Variants in GABRG3 observed in about 807,000 individuals in gnomAD.
The protein encoded by GABRG3 is gamma-aminobutyric acid receptor subunit gamma-3.
GABRG3 carries 25 observed loss-of-function variants against 48.8 expected under a neutral mutation model. That is an observed-to-expected ratio of 0.51 (90% CI 0.37 to 0.72). The LOEUF is 0.72. Among genes scored for constraint, GABRG3 ranks in the 30% least tolerant of loss-of-function variants. GABRG3 has a pLI of 0.00. For synonymous variants in GABRG3, 227 were observed against 217.6 expected (o/e 1.04, Z -0.38); for missense variants, 394 against 577.9 (o/e 0.68, Z 3.26).
intron 3 of GABRG3, among the ~76,000 whole-genome samples, chr15:27,255,893 G>T (rs190125680): frequency 6.0e-5 from 9 of 149,882 alleles, no homozygotes; most frequent in African/African-American, 2.0e-4. Flanking sequence ...CATGTGTTTA[G>T]TGACTTTTTA....
chr15:27,196,502 A>G (rs1242322410), intron 3 of GABRG3, among the ~76,000 whole-genome samples: 3 of 152,156 alleles, frequency 2.0e-5, no homozygotes, highest in Non-Finnish European at 4.4e-5. Flanking sequence ...CTCCCCAGGG[A>G]ATTAAGGGCT....
At chr15:27,370,276 A>G (rs1283779123) in intron 5 of GABRG3, among the ~76,000 whole-genome samples, 1 of 152,226 alleles carries the variant, frequency 6.6e-6, no homozygotes. Context: ...TTAGCAGAGT[A>G]GAAAGGGAAT....
intron 3 of GABRG3, among the ~76,000 whole-genome samples, chr15:27,269,406 C>T (rs1234479950): frequency 6.6e-6 from 1 of 151,880 alleles, no homozygotes; most frequent in Non-Finnish European, 1.5e-5. Context: ...TCTGTGTGTG[C>T]TGTTCTTTTC....
intron 3 of GABRG3, among the ~76,000 whole-genome samples, chr15:27,286,049 G>T (rs996415609): frequency 2.6e-5 from 4 of 152,220 alleles, no homozygotes; most frequent in Admixed American, 2.6e-4. Context: ...AGTAATCATG[G>T]GGATCGATCA....
chr15:27,163,235 C>T (rs1441503059), intron 3 of GABRG3, among the ~76,000 whole-genome samples: 1 of 152,152 alleles, frequency 6.6e-6, no homozygotes, highest in African/African-American at 2.4e-5. Context: ...CACCGTGGCT[C>T]ATGCCTGTAG....
At chr15:27,456,837 G>A (rs1290464563) in intron 5 of GABRG3, among the ~76,000 whole-genome samples, 1 of 152,166 alleles carries the variant, frequency 6.6e-6, no homozygotes, top group African/African-American at 2.4e-5. Flanking sequence ...GTGCCAGGAG[G>A]AGCCCAAAGT....
At chr15:27,370,918 G>A (rs1030042097) in intron 5 of GABRG3, among the ~76,000 whole-genome samples, 2 of 152,134 alleles carry the variant, frequency 1.3e-5, no homozygotes, top group Admixed American at 1.3e-4. Context: ...GATTTAAATT[G>A]TACTGCACAA....
intron 3 of GABRG3, among the ~76,000 whole-genome samples, chr15:27,277,689 A>G (rs2140477551): frequency 6.6e-6 from 1 of 152,330 alleles, no homozygotes; most frequent in South Asian, 2.1e-4. Flanking sequence ...GCTTCACAAC[A>G]GTACCTATAA....
intron 3 of GABRG3, among the ~76,000 whole-genome samples, chr15:27,263,811 C>T (rs112845748): frequency 2.0e-5 from 3 of 151,728 alleles, no homozygotes; most frequent in African/African-American, 7.3e-5. Flanking sequence ...CTGTAGTCCC[C>T]GCTGCTCCGG....
At chr15:27,242,188 G>A (rs1296585774) in intron 3 of GABRG3, among the ~76,000 whole-genome samples, 1 of 152,182 alleles carries the variant, frequency 6.6e-6, no homozygotes, top group Non-Finnish European at 1.5e-5. Flanking sequence ...TATACAGTAA[G>A]CAATCTTTTT....
intron 3 of GABRG3, among the ~76,000 whole-genome samples, chr15:27,108,771 T>C (rs1595529579): frequency 6.6e-6 from 1 of 152,310 alleles, no homozygotes; most frequent in East Asian, 1.9e-4. Flanking sequence ...TTTCTACACA[T>C]TTAAGATAAT....
At chr15:27,473,194 T>C (rs1889837436) in intron 5 of GABRG3, among the ~76,000 whole-genome samples, 1 of 152,194 alleles carries the variant, frequency 6.6e-6, no homozygotes, top group African/African-American at 2.4e-5. Context: ...ACTAACAGCA[T>C]CTGAATGTTA....
At chr15:27,415,504 A>G (rs760114178) in intron 5 of GABRG3, among the ~76,000 whole-genome samples, 2 of 152,094 alleles carry the variant, frequency 1.3e-5, no homozygotes, top group African/African-American at 4.8e-5. Flanking sequence ...CCTAAATAAG[A>G]ATGATATGAT....
Position 27,216,129 on chromosome 15 carries a change from A to G in GABRG3, c.271-110680A>G, listed in dbSNP as rs1324639297. Reference sequence around the variant, plus strand: ...TTGCAGCATGTTGCCCAGAGCAGAGAGTAGCCGTCCTGTAGATGGCAAGAA... The same window carrying G: ...TTGCAGCATGTTGCCCAGAGCAGAGGGTAGCCGTCCTGTAGATGGCAAGAA... On this transcript the variant is annotated intron_variant, in intron 3 of 9. Transcript: ENST00000615808. 2.6e-5 allele frequency among the ~76,000 whole-genome samples: 4 copies of G among 152,336 alleles called. No homozygotes were observed. The South Asian group carries it at 8.3e-4, about 32-fold the overall frequency.
intron 3 of GABRG3, among the ~76,000 whole-genome samples, chr15:27,229,829 A>G (rs1485548979): frequency 6.6e-6 from 1 of 152,092 alleles, no homozygotes; most frequent in African/African-American, 2.4e-5. Flanking sequence ...GTGGCCTTGT[A>G]GTATAGTTTC....
rs551971619 is a variant in GABRG3, at chr15:27,228,609, G to A, written c.271-98200G>A. ...AATGGGATTGCTGCGTTGAATGGTC[G>A]TTCTGCTTTTAGCTCTTTGAGGAAT... On this transcript the variant is annotated intron_variant, in intron 3 of 9. Transcript: ENST00000615808. Among the ~76,000 whole-genome samples the A allele has an allele frequency of 1.0e-3, 155 of 152,244 alleles. 1 individual carries two copies. The highest frequency in any genetic ancestry group is 3.5e-3 in the African/African-American group (146 of 41,548).
chr15:27,214,566 T>C (rs1595590296), intron 3 of GABRG3, among the ~76,000 whole-genome samples: 1 of 152,396 alleles, frequency 6.6e-6, no homozygotes, highest in South Asian at 2.1e-4. Flanking sequence ...TCTATACATT[T>C]ATTTCTATAC....
intron 5 of GABRG3, among the ~76,000 whole-genome samples, chr15:27,460,217 C>T (rs930273328): frequency 2.6e-5 from 4 of 152,150 alleles, no homozygotes; most frequent in Admixed American, 2.6e-4. Context: ...ATATTTCAAG[C>T]CTTTTTTGTG....
Position 26,975,539 on chromosome 15 carries a change from C to G in GABRG3, c.54-1463C>G, listed in dbSNP as rs1022961298. Among the ~76,000 whole-genome samples the G allele has an allele frequency of 6.6e-6, 1 of 152,110 alleles. No homozygotes were observed. The highest frequency in any genetic ancestry group is 1.5e-5 in the Non-Finnish European group (1 of 68,032). On this transcript the variant is annotated intron_variant, in intron 1 of 9. Transcript: ENST00000615808. The surrounding 1 kb of genome is among the most constrained non-coding windows in gnomAD (Gnocchi z 4.6). ...AGGTGTAGACTATCTGGCCAACACT[C>G]TAGTCTACGTTATGGCTAGTTAACA... is the stretch of plus-strand genomic sequence containing the variant.
Sources: allele counts gnomAD v4.1 joint callset (sites outside exome capture counted in the v4.1 genomes callset), GRCh38; gene constraint gnomAD v4.1.1; non-coding constraint Gnocchi (gnomAD v3.1); transcripts MANE v1.5; gene names NCBI Gene and HGNC (gene_info 2026-07-23, HGNC 2026-07-21).